Variants in CTNNA2 observed in about 807,000 individuals in gnomAD.
CTNNA2 encodes the protein catenin alpha 2, also known as catenin alpha-2.
Under a neutral mutation model 101.0 loss-of-function variants are expected in CTNNA2, and 42 were observed. The ratio of observed to expected loss-of-function variants is 0.42; its 90% CI spans 0.32 to 0.54. The LOEUF is 0.54. CTNNA2 is among the 20% of genes least tolerant of loss of function. The pLI is 0.14. For missense variants in CTNNA2, 871 were observed against 1,223.1 expected, an observed-to-expected ratio of 0.71 and a Z score of 4.29; for synonymous variants, 450 against 456.4, an observed-to-expected ratio of 0.99 and a Z score of 0.18.
At chr2:80,505,054 C>T (rs1028662155) in intron 9 of CTNNA2, among the ~76,000 whole-genome samples, 3 of 152,094 alleles carry the variant, frequency 2.0e-5, no homozygotes, top group African/African-American at 7.2e-5. Flanking sequence ...CTTACGGAGG[C>T]TAATGGCTAA....
intron 4 of CTNNA2, among the ~76,000 whole-genome samples, chr2:79,422,374 G>A (rs1329923067): frequency 6.6e-6 from 1 of 152,034 alleles, no homozygotes; most frequent in East Asian, 1.9e-4. Flanking sequence ...AAGAGGGTGA[G>A]CTACTCACAC....
chr2:80,012,224 T>C (rs1216149122), intron 7 of CTNNA2, among the ~76,000 whole-genome samples: 1 of 152,170 alleles, frequency 6.6e-6, no homozygotes, highest in Non-Finnish European at 1.5e-5. Context: ...ACATGAGGGT[T>C]CGATGGCTGT....
At chr2:80,537,869 AAGC>A (rs1294741570) in intron 9 of CTNNA2, among the ~76,000 whole-genome samples, 1 of 152,092 alleles carries the variant, frequency 6.6e-6, no homozygotes, top group Non-Finnish European at 1.5e-5. Context: ...CTGGGATTAC[AAGC>A]ATGAGCCACC....
intron 2 of CTNNA2, among the ~76,000 whole-genome samples, chr2:79,286,447 T>C (rs945935467): frequency 7.2e-5 from 11 of 151,818 alleles, no homozygotes; most frequent in Admixed American, 7.2e-4. Context: ...AGGGCAGGCC[T>C]GGTGGTGACA....
intron 1 of CTNNA2, among the ~76,000 whole-genome samples, chr2:79,557,187 AAAATT>A (rs1260938839): frequency 2.0e-5 from 3 of 152,060 alleles, no homozygotes; most frequent in African/African-American, 7.2e-5. Context: ...CTCAATACAT[AAAATT>A]AAATTATGGC....
chr2:80,358,179 C>T (rs1330026833), intron 7 of CTNNA2, among the ~76,000 whole-genome samples: 2 of 152,062 alleles, frequency 1.3e-5, no homozygotes, highest in African/African-American at 4.8e-5. Context: ...TTAATGCTTA[C>T]TTACAAAGTC....
chr2:80,292,075 G>C (rs1379019859), intron 7 of CTNNA2, among the ~76,000 whole-genome samples: 3 of 152,170 alleles, frequency 2.0e-5, no homozygotes, highest in Non-Finnish European at 4.4e-5. Context: ...AGAAGAAAAT[G>C]GTGACAGCCT....
intron 9 of CTNNA2, among the ~76,000 whole-genome samples, chr2:80,533,580 G>T (rs897362059): frequency 2.0e-5 from 3 of 152,130 alleles, no homozygotes; most frequent in Admixed American, 2.0e-4. Context: ...CTTGGCTTCC[G>T]TTAAATGTCA....
intron 12 of CTNNA2, among the ~76,000 whole-genome samples, chr2:80,568,566 C>CGTGTGTGTGTGT (rs36104924): frequency 2.0e-4 from 30 of 149,426 alleles, no homozygotes; most frequent in East Asian, 8.0e-4. Flanking sequence ...TAATGGTGTG[C>CGTGTGTGTGTGT]GTGTGTGTGT....
At chr2:79,848,823 G>T (rs1235747651) in intron 3 of CTNNA2, among the ~76,000 whole-genome samples, 1 of 152,138 alleles carries the variant, frequency 6.6e-6, no homozygotes, top group Non-Finnish European at 1.5e-5. Flanking sequence ...ACTGAATTAG[G>T]GTTGTCACAG....
At position 80,275,149 on chromosome 2, in the gene CTNNA2, C is replaced by A. The variant is rs191290824; in HGVS notation, c.1057-118062C>A. On this transcript the variant is annotated intron_variant, in intron 7 of 18. Transcript: ENST00000402739. ...TCATAATAACCTCCCTTAAGTCAAA[C>A]CCCCGTGACCTCTTGGTCACATGAA... is the stretch of plus-strand genomic sequence containing the variant. Among the ~76,000 whole-genome samples, 41 of 152,044 alleles carry A rather than the reference C, an allele frequency of 2.7e-4. No individual in the cohort carries two copies. The East Asian group carries it at 7.5e-3, about 28-fold the overall frequency.
chr2:79,716,871 A>T (rs954660277), intron 2 of CTNNA2, among the ~76,000 whole-genome samples: 1 of 152,202 alleles, frequency 6.6e-6, no homozygotes, highest in African/African-American at 2.4e-5. Flanking sequence ...TTGTATCAGA[A>T]ACAAACAAAA....
chr2:79,657,520 T>A (rs1186342003), intron 2 of CTNNA2, among the ~76,000 whole-genome samples: 1 of 151,958 alleles, frequency 6.6e-6, no homozygotes, highest in Non-Finnish European at 1.5e-5. Context: ...GATATTCCAG[T>A]GTTCTTTAAA....
At chr2:80,050,035 C>G (rs1004979221) in intron 7 of CTNNA2, among the ~76,000 whole-genome samples, 1 of 152,108 alleles carries the variant, frequency 6.6e-6, no homozygotes, top group Non-Finnish European at 1.5e-5. Context: ...CTTCCCACCA[C>G]CCCAACACAC....
intron 3 of CTNNA2, among the ~76,000 whole-genome samples, chr2:79,326,764 A>T (rs935776450): frequency 6.6e-6 from 1 of 152,204 alleles, no homozygotes; most frequent in African/African-American, 2.4e-5. Flanking sequence ...TTGTGTTTTT[A>T]AAAAGCCCTT....
intron 9 of CTNNA2, among the ~76,000 whole-genome samples, chr2:80,477,727 A>ATGTGTGTGTGTG (rs35938297): frequency 1.4e-4 from 20 of 143,912 alleles, no homozygotes; most frequent in African/African-American, 4.8e-4. Context: ...CATGGTGTGA[A>ATGTGTGTGTGTG]TGTGTGTGTG....
At chr2:80,400,591 T>G (rs1276580727) in intron 8 of CTNNA2, among the ~76,000 whole-genome samples, 3 of 152,250 alleles carry the variant, frequency 2.0e-5, no homozygotes, top group Admixed American at 6.5e-5. Flanking sequence ...AATTTCCAGA[T>G]TATCTTAAAA....
At chr2:80,565,279 T>C (rs1693956503) in intron 12 of CTNNA2, among the ~76,000 whole-genome samples, 1 of 152,182 alleles carries the variant, frequency 6.6e-6, no homozygotes, top group Non-Finnish European at 1.5e-5. Flanking sequence ...ATTGGCCTTC[T>C]TGGCAAGCAA....
intron 3 of CTNNA2, among the ~76,000 whole-genome samples, chr2:79,338,991 A>G (rs571398291): frequency 6.6e-5 from 10 of 152,058 alleles, no homozygotes; most frequent in Non-Finnish European, 1.5e-4. Flanking sequence ...TGCTAGTGAG[A>G]TTCCCAACAG....
Sources: gnomAD v4.1 joint callset for allele counts (sites outside exome capture counted in the v4.1 genomes callset) on GRCh38, gnomAD v4.1.1 for gene constraint, MANE v1.5 for transcripts, NCBI Gene and HGNC (gene_info 2026-07-23, HGNC 2026-07-21) for gene names.